The following DNAH6 variants were observed in gnomAD, a reference collection of about 807,000 sequenced individuals.
The protein encoded by DNAH6 is dynein axonemal heavy chain 6.
In DNAH6, 340 loss-of-function variants were observed where a neutral mutation model predicts 491.4. The ratio of observed to expected loss-of-function variants is 0.69; its 90% CI spans 0.63 to 0.76. The LOEUF (loss-of-function observed/expected upper bound fraction) is 0.76. Ranked by LOEUF, DNAH6 falls within the 30% of genes least tolerant of loss-of-function variation. The probability of loss-of-function intolerance (pLI) is 0.00; values close to 1 mark genes in which losing one functional copy is unlikely to be tolerated. For synonymous variants in DNAH6, 1,603 were observed against 1,686.1 expected (o/e 0.95, Z 1.21); for missense variants, 4,443 against 4,972.2 (o/e 0.89, Z 3.20).
intron 70 of DNAH6, among the ~76,000 whole-genome samples, chr2:84,801,893 GAAAAGAAA>G (rs371845500): frequency 1.5e-4 from 22 of 146,722 alleles, no homozygotes; most frequent in African/African-American, 5.0e-4. Context: ...AAAAAAAAAA[GAAAAGAAA>G]AAAAGAAAGA....
chr2:84,556,116 A>G (rs1365617744), intron 10 of DNAH6, among the ~76,000 whole-genome samples: 1 of 152,238 alleles, frequency 6.6e-6, no homozygotes, highest in African/African-American at 2.4e-5. Context: ...TAAGCATTCC[A>G]GGAGAAAGGG....
At chr2:84,622,888 C>T (rs1453909307) in intron 26 of DNAH6, among the ~76,000 whole-genome samples, 2 of 152,072 alleles carry the variant, frequency 1.3e-5, no homozygotes, top group African/African-American at 4.8e-5. Context: ...TATGAGGTGA[C>T]ATCTCATTAT....
chr2:84,693,267 G>A (rs932507173), intron 45 of DNAH6, among the ~76,000 whole-genome samples: 10 of 152,074 alleles, frequency 6.6e-5, no homozygotes, highest in African/African-American at 2.2e-4. Flanking sequence ...GTATATTCCT[G>A]GAGTTTGGCC....
Position 84,814,128 on chromosome 2 carries a change from G to T in DNAH6, c.12150+6G>T, listed in dbSNP as rs372752091. ...AACTGCCCATGGACATGGAGGTATT[G>T]TCCACCTGGCTGTTATGGCAAAGCA... On this transcript the variant is annotated splice_donor_region_variant and intron_variant, in intron 75 of 76. Coordinates refer to ENST00000389394, the MANE Select transcript of DNAH6 (RefSeq NM_001370.2). 1.3e-6 allele frequency: 2 copies of T among 1,550,672 alleles called. No homozygotes were observed. Among genetic ancestry groups the T allele is most frequent in the South Asian group, 1.2e-5 (1 of 83,940 alleles).
At chr2:84,557,996 T>C in intron 11 of DNAH6, 61 bp downstream of exon 11, 4 of 1,122,754 alleles carry the variant, frequency 3.6e-6, no homozygotes, top group Non-Finnish European at 4.9e-6. Context: ...AATTAAGTAA[T>C]ATATATTTTT....
At chr2:84,734,146 C>CTT (rs11314819) in intron 62 of DNAH6, among the ~76,000 whole-genome samples, 37 of 129,476 alleles carry the variant, frequency 2.9e-4, no homozygotes, top group South Asian at 7.6e-4. Flanking sequence ...TAAAACTACA[C>CTT]TTTTTTTTTT....
At chr2:84,696,310 C>CTAA (rs1293243057) in intron 46 of DNAH6, among the ~76,000 whole-genome samples, 1 of 151,770 alleles carries the variant, frequency 6.6e-6, no homozygotes, top group Non-Finnish European at 1.5e-5. Flanking sequence ...TTTGCCCATG[C>CTAA]TTTAATTAAG....
chr2:84,812,242 C>T (rs533856113), intron 72 of DNAH6, 99 bp from the exon 73 acceptor site: 42 of 1,057,512 alleles, frequency 4.0e-5, no homozygotes, highest in African/African-American at 3.1e-4. Context: ...TAGCAACTGG[C>T]GCCTCCAGGC....
chr2:84,634,497 A>T lies in DNAH6; in HGVS notation c.4516-7A>T. 2 of 1,530,628 alleles carry T rather than the reference A, an allele frequency of 1.3e-6. No homozygotes were observed. Among genetic ancestry groups the T allele is most frequent in the African/African-American group, 2.8e-5 (2 of 71,558 alleles). The allele number at this position is 1,530,628 out of a possible 1,614,324, so 94.8% of individuals were successfully genotyped here. On this transcript the variant is annotated splice_region_variant and splice_polypyrimidine_tract_variant and intron_variant, in intron 29 of 76. Coordinates refer to ENST00000389394, the MANE Select transcript of DNAH6 (RefSeq NM_001370.2). The stretch of plus-strand genomic sequence containing the variant: ...TACAAAGTTGAACTGCTTTATTTTG[A>T]TTTCAGATGATGGGGCGCTTCTTCA...
At chr2:84,544,705 G>A (rs1170257700) in intron 5 of DNAH6, among the ~76,000 whole-genome samples, 5 of 152,148 alleles carry the variant, frequency 3.3e-5, no homozygotes, top group Non-Finnish European at 7.4e-5. Flanking sequence ...AAATGCAAAA[G>A]TATAAGAAGA....
the DNAH6 span, among the ~76,000 whole-genome samples, chr2:84,465,923 T>G: frequency 1.3e-5 from 2 of 152,248 alleles, no homozygotes; most frequent in African/African-American, 4.8e-5. Context: ...CCTGATTATT[T>G]GTATAAAGTA....
intron 18 of DNAH6, among the ~76,000 whole-genome samples, chr2:84,597,564 G>A (rs1314212004): frequency 6.6e-6 from 1 of 152,218 alleles, no homozygotes; most frequent in East Asian, 1.9e-4. Context: ...TGTTCAAGAT[G>A]TTAAATATAG....
chr2:84,684,705 G>A (rs2104748480), intron 42 of DNAH6, among the ~76,000 whole-genome samples: 1 of 152,336 alleles, frequency 6.6e-6, no homozygotes, highest in African/African-American at 2.4e-5. Context: ...CCTGTCTACA[G>A]TGTGAGGAGC....
chr2:84,529,391 A>T (rs1048522727), intron 4 of DNAH6, among the ~76,000 whole-genome samples: 1 of 152,094 alleles, frequency 6.6e-6, no homozygotes, highest in Non-Finnish European at 1.5e-5. Flanking sequence ...AGCTTCTCAT[A>T]TATTTATGTA....
At chr2:84,562,370 GA>G (rs1331859200) in intron 11 of DNAH6, among the ~76,000 whole-genome samples, 1 of 152,050 alleles carries the variant, frequency 6.6e-6, no homozygotes, top group Non-Finnish European at 1.5e-5. Context: ...TCTATTAAAA[GA>G]AAAAGATTTT....
intron 39 of DNAH6, among the ~76,000 whole-genome samples, chr2:84,671,913 G>A (rs1692776018): frequency 6.6e-6 from 1 of 152,196 alleles, no homozygotes. Context: ...TCCCTGTGAG[G>A]GTACTGTGAT....
Position 84,694,539 on chromosome 2 carries a change from T to C in DNAH6, c.7524+59T>C. On this transcript the variant is annotated intron_variant, in intron 46 of 76. Coordinates refer to ENST00000389394, the MANE Select transcript of DNAH6 (RefSeq NM_001370.2). ...GAAATGTATGGGTGTTACAATCGGGTGTGTGCTTTGAACAGTTTGTAGGAT... is the reference window on the plus strand; with the variant it reads ...GAAATGTATGGGTGTTACAATCGGGCGTGTGCTTTGAACAGTTTGTAGGAT... The C allele has an allele frequency of 3.1e-6, 4 of 1,271,366 alleles. No individual in the cohort carries two copies. The South Asian group carries it at 5.3e-5, about 17-fold the overall frequency. 78.8% of individuals were successfully genotyped at this position (1,271,366 alleles called of 1,614,324 possible).
At chr2:84,600,555 AT>A (rs1685113623) in intron 18 of DNAH6, among the ~76,000 whole-genome samples, 1 of 152,096 alleles carries the variant, frequency 6.6e-6, no homozygotes, top group African/African-American at 2.4e-5. Context: ...GACCTTGATC[AT>A]TTTGAAAAGT....
intron 12 of DNAH6, among the ~76,000 whole-genome samples, chr2:84,576,123 A>G (rs1682419484): frequency 6.6e-6 from 1 of 152,232 alleles, no homozygotes; most frequent in African/African-American, 2.4e-5. Context: ...TAAACAGCGC[A>G]GCATTATACG....
Sources: gnomAD v4.1 joint callset for allele counts (sites outside exome capture counted in the v4.1 genomes callset) on GRCh38, gnomAD v4.1.1 for gene constraint, MANE v1.5 for transcripts, NCBI Gene and HGNC (gene_info 2026-07-23, HGNC 2026-07-21) for gene names.